Variants in CEP89 observed in about 807,000 individuals in gnomAD.
CEP89 encodes the protein centrosomal protein 89.
Under a neutral mutation model 97.6 loss-of-function variants are expected in CEP89, and 95 were observed. The ratio of observed to expected loss-of-function variants is 0.97; its 90% confidence interval spans 0.82 to 1.15. The LOEUF (loss-of-function observed/expected upper bound fraction) is 1.15. Among genes scored for constraint, CEP89 ranks in the 50% most tolerant of loss-of-function variants. The pLI, the probability that CEP89 is intolerant of heterozygous loss-of-function variation, is 0.00. For synonymous variants in CEP89, 354 were observed against 349.1 expected, an observed-to-expected ratio of 1.01 and a Z score of -0.16; for missense variants, 869 against 947.7, an observed-to-expected ratio of 0.92 and a Z score of 1.09.
chr19:32,951,189 C>T (rs1287076160), intron 4 of CEP89, among the ~76,000 whole-genome samples: 1 of 152,068 alleles, frequency 6.6e-6, no homozygotes, highest in African/African-American at 2.4e-5. Flanking sequence ...ATTTGTGATA[C>T]TTTATATAAA....
intron 9 of CEP89, among the ~76,000 whole-genome samples, chr19:32,928,871 T>C (rs1970414798): frequency 2.6e-5 from 4 of 152,212 alleles, no homozygotes; most frequent in African/African-American, 9.6e-5. Flanking sequence ...GATCTGAGAC[T>C]GCCTCCAGAC....
intron 16 of CEP89, 83 bp from the exon 17 acceptor site, chr19:32,887,924 G>T: frequency 1.3e-6 from 1 of 785,644 alleles, no homozygotes; most frequent in Non-Finnish European, 2.2e-6. Flanking sequence ...GAGTGTTACT[G>T]CTACTGCTCA....
chr19:32,946,956 T>C (rs1314189281), intron 5 of CEP89, among the ~76,000 whole-genome samples: 1 of 152,152 alleles, frequency 6.6e-6, no homozygotes, highest in African/African-American at 2.4e-5. Context: ...TGAGACAGTA[T>C]TACTTTTGTA....
Position 32,937,547 on chromosome 19 carries a change from G to T in CEP89, c.667+84C>A, listed in dbSNP as rs1289930924. The T allele has an allele frequency of 2.7e-6, 3 of 1,129,190 alleles. No homozygotes were observed. In the Admixed American group the frequency reaches 5.7e-5, roughly 21 times the overall value. 69.9% of individuals were successfully genotyped at this position (1,129,190 alleles called of 1,614,324 possible). On this transcript the variant is annotated intron_variant, in intron 7 of 18. Coordinates refer to ENST00000305768, the MANE Select transcript of CEP89 (RefSeq NM_032816.5). ...ACAACTAATACAAGAAAAAGAAAAT[G>T]TAATCTTTATTTTCAGATAAAATTA...
At chr19:32,945,060 CTT>C (rs1970767261) in intron 5 of CEP89, among the ~76,000 whole-genome samples, 1 of 152,194 alleles carries the variant, frequency 6.6e-6, no homozygotes, top group African/African-American at 2.4e-5. Context: ...CCTCTGTGTA[CTT>C]GTGAAAAGTA....
chr19:32,892,692 A>C (rs997622598), intron 16 of CEP89, among the ~76,000 whole-genome samples: 11 of 151,008 alleles, frequency 7.3e-5, no homozygotes, highest in Admixed American at 4.6e-4. Flanking sequence ...AAAAAAAAAA[A>C]AACCTGTCAG....
Position 32,956,275 on chromosome 19 carries a change from C to T in CEP89, c.306-2474G>A, listed in dbSNP as rs550586667. 4.6e-5 allele frequency among the ~76,000 whole-genome samples: 7 copies of T among 151,650 alleles called. No individual in the cohort carries two copies. In the South Asian group the frequency reaches 1.3e-3, roughly 27 times the overall value. ...TTCACCATGTTGGCCAGGATGGTCT[C>T]GATCTGCTGACCTCGTGATCCGTCC... On this transcript the variant is annotated intron_variant, in intron 3 of 18. Transcript: ENST00000305768.
chr19:32,927,526 A>AT lies in CEP89; in HGVS notation c.1030-543dup, dbSNP rs1174034387. Among the ~76,000 whole-genome samples the AT allele has an allele frequency of 2.0e-5, 3 of 152,052 alleles. No individual in the cohort carries two copies. The East Asian group carries it at 5.8e-4, about 29-fold the overall frequency. On this transcript the variant is annotated intron_variant, in intron 9 of 18. Coordinates refer to ENST00000305768, the MANE Select transcript of CEP89 (RefSeq NM_032816.5). ...TATATGTTATCTTCAAATTTCATCT[A>AT]TTTTCCCACTAATGTTCTTTTCTAA...
chr19:32,910,121 C>A (rs1969967004), intron 14 of CEP89, among the ~76,000 whole-genome samples: 1 of 152,228 alleles, frequency 6.6e-6, no homozygotes, highest in East Asian at 1.9e-4. Flanking sequence ...ATTAGCCAAG[C>A]GTGGTGGCAC....
intron 18 of CEP89, among the ~76,000 whole-genome samples, chr19:32,879,692 C>G (rs896521424): frequency 1.3e-5 from 2 of 152,230 alleles, no homozygotes; most frequent in Admixed American, 1.3e-4. Flanking sequence ...CCAGTGCAAT[C>G]CCTGTTTTCT....
In CEP89 at chr19:32,926,285, G is replaced by C. The variant is rs1159791425; in HGVS notation, c.1081-12C>G. 20 of 1,578,314 alleles carry C rather than the reference G, an allele frequency of 1.3e-5. No homozygotes were observed. The highest frequency in any genetic ancestry group is 1.7e-5 in the Non-Finnish European group (19 of 1,149,000). On this transcript the variant is annotated splice_polypyrimidine_tract_variant and intron_variant, in intron 10 of 18. Transcript: ENST00000305768. Reference sequence around the variant, plus strand: ...TACTTTATATCCAACTGAAGATAGAGAGTAAAGGAAGGTTAATATATTTCT... The same window carrying C: ...TACTTTATATCCAACTGAAGATAGACAGTAAAGGAAGGTTAATATATTTCT...
intron 14 of CEP89, among the ~76,000 whole-genome samples, chr19:32,904,808 T>C (rs556200870): frequency 6.6e-6 from 1 of 152,280 alleles, no homozygotes; most frequent in East Asian, 1.9e-4. Context: ...GCCAGGATGG[T>C]CTCGATCTCT....
In CEP89 at chr19:32,953,703, G is replaced by A. The variant is rs1476881887; in HGVS notation, c.404C>T (p.Ser135Phe). 8 of 1,613,890 alleles carry A rather than the reference G, an allele frequency of 5.0e-6. No homozygotes were observed. The Admixed American group carries it at 1.3e-4, about 27-fold the overall frequency. ...GACATCCCCCAATTCCTTGCCGCTG[G>A]ATGACAGCTGAGTTTCAATGTCCTC... ...DEEDIETQLS[S>F]SGKELGDVSA... Residue 135 changes from serine to phenylalanine, a missense_variant, in exon 4 of 19, where the codon TCC becomes TTC. By Grantham distance (155) the Ser-to-Phe change is radical (BLOSUM62 -2). Transcript: ENST00000305768.
chr19:32,916,455 T>C (rs755458480), intron 13 of CEP89, among the ~76,000 whole-genome samples: 10 of 152,322 alleles, frequency 6.6e-5, no homozygotes, highest in Middle Eastern at 3.4e-3. Flanking sequence ...TGTAAGTATA[T>C]GTCATAACGT....
intron 16 of CEP89, among the ~76,000 whole-genome samples, chr19:32,896,779 CT>C (rs1024819296): frequency 5.4e-4 from 79 of 146,326 alleles, no homozygotes; most frequent in South Asian, 1.7e-3. Context: ...CTCTCTCTCT[CT>C]TTTTTTTTTT....
chr19:32,948,600 G>C (rs768141469), intron 4 of CEP89, among the ~76,000 whole-genome samples: 2 of 152,188 alleles, frequency 1.3e-5, no homozygotes, highest in Non-Finnish European at 2.9e-5. Flanking sequence ...CACCATTAAA[G>C]TTATGCTAAG....
Position 32,943,533 on chromosome 19 carries a change from G to A in CEP89, c.596-3648C>T, listed in dbSNP as rs534782365. Among the ~76,000 whole-genome samples, 60 of 152,212 alleles carry A rather than the reference G, an allele frequency of 3.9e-4. No individual in the cohort carries two copies. The South Asian group carries it at 4.1e-3, about 11-fold the overall frequency. On this transcript the variant is annotated intron_variant, in intron 5 of 18. Coordinates refer to ENST00000305768, the MANE Select transcript of CEP89 (RefSeq NM_032816.5). ...CCAACACTGCGGGAAGCCGAGATGGGAGGATGGTTTAAGCCCAGGAGGTAG... is the reference window on the plus strand; with the variant it reads ...CCAACACTGCGGGAAGCCGAGATGGAAGGATGGTTTAAGCCCAGGAGGTAG...
At chr19:32,886,664 G>C (rs904279483) in intron 17 of CEP89, among the ~76,000 whole-genome samples, 1 of 152,058 alleles carries the variant, frequency 6.6e-6, no homozygotes. Context: ...AAATGGTAAC[G>C]CTATGGATTC....
At chr19:32,958,013 T>TCCCC (rs386388893) in intron 3 of CEP89, among the ~76,000 whole-genome samples, 23 of 123,604 alleles carry the variant, frequency 1.9e-4, no homozygotes, top group South Asian at 5.4e-4. Context: ...AACAAAAAAA[T>TCCCC]CCCCCCCCCG....
Sources: gnomAD v4.1 joint callset for allele counts (sites outside exome capture counted in the v4.1 genomes callset) on GRCh38, gnomAD v4.1.1 for gene constraint, MANE v1.5 for transcripts, NCBI Gene and HGNC (gene_info 2026-07-23, HGNC 2026-07-21) for gene names.